CCDC186: variants seen among roughly 807,000 people sequenced by gnomAD.
CCDC186 encodes coiled-coil domain-containing protein 186.
A neutral mutation model predicts 113.7 loss-of-function variants in CCDC186; 49 were observed. The observed-to-expected ratio is 0.43, with a 90% confidence interval of 0.34 to 0.55. The LOEUF is 0.55. Ranked by LOEUF, CCDC186 falls within the 20% of genes least tolerant of loss-of-function variation. The pLI is 0.02. For missense variants in CCDC186, 890 were observed against 1,011.1 expected (o/e 0.88, Z 1.62); for synonymous variants, 355 against 345.8 (o/e 1.03, Z -0.30).
Position 114,140,856 on chromosome 10 carries a change from T to C in CCDC186, c.1222-3566A>G, listed in dbSNP as rs1392954454. ...TTTATAAGAGCTGCTTTAACATCAT[T>C]GCCTCATTGTCTACTAATTCTATTA... On this transcript the variant is annotated intron_variant, in intron 6 of 15. Transcript: ENST00000369287. Among the ~76,000 whole-genome samples, 12 of 152,074 alleles carry C rather than the reference T, an allele frequency of 7.9e-5. No individual in the cohort carries two copies. In the East Asian group the frequency reaches 2.3e-3, roughly 29 times the overall value.
chr10:114,158,689 A>G (rs1234704629), intron 2 of CCDC186, among the ~76,000 whole-genome samples: 2 of 152,140 alleles, frequency 1.3e-5, no homozygotes, highest in Admixed American at 1.3e-4. Flanking sequence ...ACAGAATAAG[A>G]CCTTTGTCTC....
Position 114,144,584 on chromosome 10 carries a change from T to C in CCDC186, c.1134A>G (p.Ile378Met), listed in dbSNP as rs1280015929. 3 of 1,612,738 alleles carry C rather than the reference T, an allele frequency of 1.9e-6. No individual in the cohort carries two copies. Among genetic ancestry groups the C allele is most frequent in the East Asian group, 4.5e-5 (2 of 44,784 alleles). Residue 378 changes from isoleucine to methionine, a missense_variant, in exon 6 of 16, where the codon ATA becomes ATG. Physicochemically the swap from Ile to Met is conservative, Grantham distance 10 (BLOSUM62 1). Transcript: ENST00000369287. ...AGTTAATGTCTTCCTTTAATTTGTC[T>C]ATTTCTCTGATGAGTCTAGTCGTTT... Reference protein sequence around the residue: ...EGETTRLIREIDKLKEDINSH... With the variant: ...EGETTRLIREMDKLKEDINSH...
At chr10:114,170,406 A>C (rs1415925821) in intron 1 of CCDC186, among the ~76,000 whole-genome samples, 2 of 152,094 alleles carry the variant, frequency 1.3e-5, no homozygotes, top group Non-Finnish European at 2.9e-5. Flanking sequence ...TTGCAGCCTC[A>C]AATTCCTGGG....
At chr10:114,170,269 AAG>A (rs2032454710) in intron 1 of CCDC186, among the ~76,000 whole-genome samples, 1 of 152,208 alleles carries the variant, frequency 6.6e-6, no homozygotes, top group Non-Finnish European at 1.5e-5. Flanking sequence ...GTTCTACAAA[AAG>A]AAATAATTTT....
rs2031331594 is a variant in CCDC186 at position 114,138,068 on chromosome 10, AAAAAAT to A, written c.1222-784_1222-779del. On this transcript the variant is annotated intron_variant, in intron 6 of 15. Coordinates refer to ENST00000369287, the MANE Select transcript of CCDC186 (RefSeq NM_018017.4). ...AAAAAAAAAAAAAAAAAAAAAAAAA[AAAAAAT>A]AAAAAAAATACACAAATTAGCCAGG... Among the ~76,000 whole-genome samples the A allele has an allele frequency of 1.4e-4, 8 of 55,488 alleles. 2 individuals are homozygous for A. The highest frequency in any genetic ancestry group is 6.8e-4 in the East Asian group (2 of 2,944). 36.4% of individuals were successfully genotyped at this position (55,488 alleles called of 152,430 possible). A position where few individuals can be genotyped will look rare whatever the true frequency, so the allele number is the denominator to read the frequency against.
In CCDC186 at chr10:114,126,296, G is replaced by A. The variant is rs867197498; in HGVS notation, c.2394-191C>T. ...TCATTTTTGTTCTATTGTAGCATTC[G>A]GAGTAAAGACATATAAACATTGCTT... On this transcript the variant is annotated intron_variant, in intron 14 of 15. Transcript: ENST00000369287. 5.9e-5 allele frequency among the ~76,000 whole-genome samples: 9 copies of A among 152,010 alleles called. No individual in the cohort carries two copies. In the South Asian group the frequency reaches 1.2e-3, roughly 21 times the overall value.
rs780505415 is a variant in CCDC186, at chr10:114,135,920, T to A, written c.1483A>T (p.Met495Leu). The A allele has an allele frequency of 1.9e-6, 3 of 1,613,158 alleles. No homozygotes were observed. Among genetic ancestry groups the A allele is most frequent in the Non-Finnish European group, 1.7e-6 (2 of 1,179,444 alleles). ...GTTCTCAGTGTTCTTAACTCATCCATACCCTCCTTAAATGTTCTCTTCAGA... is the reference window on the plus strand; with the variant it reads ...GTTCTCAGTGTTCTTAACTCATCCAAACCCTCCTTAAATGTTCTCTTCAGA... ...EDLKRTFKEG[M>L]DELRTLRTKV... The change falls in exon 9 of 16, where the codon ATG (methionine) becomes TTG (leucine). Residue 495 changes from methionine (M) to leucine (L), a missense_variant. Met to Leu is a conservative substitution (Grantham distance 15). Coordinates refer to ENST00000369287, the MANE Select transcript of CCDC186 (RefSeq NM_018017.4).
At chr10:114,158,145 A>T (rs1589628085) in intron 2 of CCDC186, among the ~76,000 whole-genome samples, 1 of 152,222 alleles carries the variant, frequency 6.6e-6, no homozygotes, top group African/African-American at 2.4e-5. Context: ...ACATCCTACA[A>T]TGCACAAGAC....
Position 114,131,277 on chromosome 10 carries a change from A to C in CCDC186, c.1971T>G (p.Ala657=), listed in dbSNP as rs201550586. Residue 657 remains alanine (A), a synonymous_variant, in exon 12 of 16, where the codon GCT becomes GCG. Coordinates refer to ENST00000369287, the MANE Select transcript of CCDC186 (RefSeq NM_018017.4). ...LRKEEVQTLQ[A]ELACRQTEVK... Reference sequence around the variant, plus strand: ...CTTCTGTTTGTCTACAAGCGAGTTCAGCTTGCAGAGTTTGGACTTCCTCTT... The same window carrying C: ...CTTCTGTTTGTCTACAAGCGAGTTCCGCTTGCAGAGTTTGGACTTCCTCTT... The C allele has an allele frequency of 5.4e-5, 86 of 1,602,062 alleles. No homozygotes were observed. The highest frequency in any genetic ancestry group is 1.7e-4 in the Middle Eastern group (1 of 6,054).
Position 114,127,594 on chromosome 10 carries a change from GAA to G in CCDC186, c.2258_2259del (p.Phe753SerfsTer5), listed in dbSNP as rs746517320. The G allele has an allele frequency of 1.1e-5, 17 of 1,613,868 alleles. No individual in the cohort carries two copies. Among genetic ancestry groups the G allele is most frequent in the Non-Finnish European group, 1.4e-5 (17 of 1,180,010 alleles). ...NTGSSVAVDN[F>X]PQVDKAMLIE... ...ATCAACATGGCCTTATCTACTTGTG[GAA>G]AGTTATCCACAGCTACTGAGGACCC... On this transcript the variant is annotated frameshift_variant, in exon 14 of 16. Coordinates refer to ENST00000369287, the MANE Select transcript of CCDC186 (RefSeq NM_018017.4). LOFTEE classifies it high-confidence loss of function.
intron 3 of CCDC186, among the ~76,000 whole-genome samples, chr10:114,151,428 C>A (rs1322980687): frequency 2.0e-5 from 3 of 152,144 alleles, no homozygotes; most frequent in African/African-American, 7.2e-5. Context: ...TATCTGGCAA[C>A]CCCTAGAACA....
At chr10:114,134,782 A>G (rs2031200813) in intron 10 of CCDC186, 131 bp downstream of exon 10, 8 of 946,234 alleles carry the variant, frequency 8.5e-6, no homozygotes, top group South Asian at 7.8e-5. Context: ...AGATAAAGAG[A>G]AAATATTTAA....
At chr10:114,168,187 A>G (rs2032390239) in intron 1 of CCDC186, 1 of 152,172 alleles carries the variant, frequency 6.6e-6, no homozygotes, top group Non-Finnish European at 1.5e-5. Flanking sequence ...TACAGGACCA[A>G]TTCACACTTC....
Position 114,173,149 on chromosome 10 carries a change from G to C in CCDC186, c.-62+866C>G, listed in dbSNP as rs1314503630. On this transcript the variant is annotated intron_variant, in intron 1 of 15. Coordinates refer to ENST00000369287, the MANE Select transcript of CCDC186 (RefSeq NM_018017.4). ...AGAAAACGGCCAAGTACCTGGGACTGTACTGCGTATTTTTACTATATTCTC... is the reference window on the plus strand; with the variant it reads ...AGAAAACGGCCAAGTACCTGGGACTCTACTGCGTATTTTTACTATATTCTC... The C allele has an allele frequency of 1.1e-5, 5 of 454,928 alleles. No homozygotes were observed. The Admixed American group carries it at 1.2e-4, about 11-fold the overall frequency. The allele number at this position is 454,928 out of a possible 1,614,324, so 28.2% of individuals were successfully genotyped here.
At chr10:114,140,361 T>A (rs2031427416) in intron 6 of CCDC186, among the ~76,000 whole-genome samples, 1 of 152,180 alleles carries the variant, frequency 6.6e-6, no homozygotes, top group Non-Finnish European at 1.5e-5. Flanking sequence ...AAATTAAGGA[T>A]AAATCCAAGG....
intron 4 of CCDC186, among the ~76,000 whole-genome samples, chr10:114,148,645 T>C (rs920520013): frequency 2.6e-4 from 39 of 152,356 alleles, no homozygotes; most frequent in Admixed American, 9.8e-4. Context: ...CAAGAAAGTA[T>C]GGGAAATTTC....
At chr10:114,128,332 T>C (rs1029250352) in intron 13 of CCDC186, among the ~76,000 whole-genome samples, 1 of 152,252 alleles carries the variant, frequency 6.6e-6, no homozygotes, top group Non-Finnish European at 1.5e-5. Flanking sequence ...TCCGATTTTA[T>C]AGCTTTAAGT....
intron 6 of CCDC186, 23 bp downstream of exon 6, chr10:114,144,474 T>C: frequency 6.3e-7 from 1 of 1,587,242 alleles, no homozygotes; most frequent in Non-Finnish European, 8.5e-7. Context: ...CTAATCATTA[T>C]TCCATTGTAT....
intron 4 of CCDC186, among the ~76,000 whole-genome samples, chr10:114,149,810 A>AAAGGG (rs2031786222): frequency 1.7e-5 from 1 of 60,294 alleles, no homozygotes; most frequent in African/African-American, 7.0e-5. Flanking sequence ...GGAAGGAAGG[A>AAAGGG]AGGAAGGCAG....
Sources: allele counts gnomAD v4.1 joint callset (sites outside exome capture counted in the v4.1 genomes callset), GRCh38; gene constraint gnomAD v4.1.1; transcripts MANE v1.5; gene names NCBI Gene and HGNC (gene_info 2026-07-23, HGNC 2026-07-21).